Variants in GPM6A observed in about 807,000 individuals in gnomAD.
GPM6A encodes the protein glycoprotein M6A.
In GPM6A, 7 loss-of-function variants were observed where a neutral mutation model predicts 32.1. The observed-to-expected ratio is 0.22, with a 90% CI of 0.12 to 0.41. The LOEUF (loss-of-function observed/expected upper bound fraction) is 0.41, where lower values mean the gene tolerates loss of function less well. GPM6A is among the 10% of genes least tolerant of loss of function. The probability of loss-of-function intolerance (pLI) is 1.00; values close to 1 mark genes in which losing one functional copy is unlikely to be tolerated. For missense variants in GPM6A, 235 were observed against 347.2 expected (o/e 0.68, Z 2.57); for synonymous variants, 130 against 123.4 (o/e 1.05, Z -0.35).
chr4:175,791,120 T>G (rs1733997336), intron 1 of GPM6A, among the ~76,000 whole-genome samples: 1 of 152,198 alleles, frequency 6.6e-6, no homozygotes. Flanking sequence ...AATCATGTTA[T>G]GCATAGGCTC....
chr4:175,981,419 C>T (rs1740812067), intron 1 of GPM6A, among the ~76,000 whole-genome samples: 1 of 152,198 alleles, frequency 6.6e-6, no homozygotes, highest in Non-Finnish European at 1.5e-5. Flanking sequence ...ACTTGCCTCA[C>T]TTCCAACCAC....
At chr4:175,745,137 A>T (rs890197951) in intron 1 of GPM6A, among the ~76,000 whole-genome samples, 4 of 152,162 alleles carry the variant, frequency 2.6e-5, no homozygotes, top group Non-Finnish European at 5.9e-5. Context: ...CAGAAAAAAA[A>T]CATGAAATAC....
At chr4:175,784,561 A>G (rs1733726575) in intron 1 of GPM6A, among the ~76,000 whole-genome samples, 1 of 152,204 alleles carries the variant, frequency 6.6e-6, no homozygotes, top group Admixed American at 6.5e-5. Flanking sequence ...GCTTTTGTAA[A>G]TGTAAAATTA....
chr4:175,992,766 G>GA (rs1741191193), intron 1 of GPM6A, among the ~76,000 whole-genome samples: 1 of 151,858 alleles, frequency 6.6e-6, no homozygotes, highest in South Asian at 2.1e-4. Flanking sequence ...TAAAATACAA[G>GA]AAAAATGAAC....
chr4:175,983,397 A>T lies in GPM6A; in HGVS notation c.-23+18912T>A, dbSNP rs187950616. Among the ~76,000 whole-genome samples the T allele has an allele frequency of 2.5e-3, 384 of 152,336 alleles. 2 individuals carry two copies. Among genetic ancestry groups the T allele is most frequent in the African/African-American group, 8.7e-3 (363 of 41,584 alleles). On this transcript the variant is annotated intron_variant, in intron 1 of 7. Coordinates refer to the GPM6A transcript ENST00000280187. ...TATTTTGAAGGTCCTGTCTCAGCAG[A>T]CAAAATTCCATCTCCCTCTGTGATT...
At chr4:175,903,137 T>C (rs1393211939) in intron 1 of GPM6A, among the ~76,000 whole-genome samples, 1 of 152,056 alleles carries the variant, frequency 6.6e-6, no homozygotes, top group Non-Finnish European at 1.5e-5. Flanking sequence ...GAAATAATGA[T>C]AAGCTGGAAT....
intron 1 of GPM6A, among the ~76,000 whole-genome samples, chr4:175,852,622 T>A (rs996589072): frequency 2.6e-5 from 4 of 152,178 alleles, no homozygotes; most frequent in African/African-American, 9.6e-5. Flanking sequence ...CTCCCAAATT[T>A]GAAAATGTAT....
At chr4:175,673,964 G>A (rs1383000161) in intron 2 of GPM6A, 128 bp from the exon 3 acceptor site, 1 of 620,692 alleles carries the variant, frequency 1.6e-6, no homozygotes, top group Non-Finnish European at 2.6e-6. Context: ...AATGAAGGTT[G>A]GATTTAAAAA....
intron 2 of GPM6A, among the ~76,000 whole-genome samples, chr4:175,691,457 A>G (rs1744294055): frequency 6.6e-6 from 1 of 152,210 alleles, no homozygotes; most frequent in African/African-American, 2.4e-5. Context: ...AAAAATGCAG[A>G]TTATTCACTG....
At chr4:175,684,248 CT>C (rs1743849388) in intron 2 of GPM6A, among the ~76,000 whole-genome samples, 1 of 152,050 alleles carries the variant, frequency 6.6e-6, no homozygotes, top group African/African-American at 2.4e-5. Context: ...TGCCATTTGT[CT>C]TTTGGCTTTG....
intron 1 of GPM6A, among the ~76,000 whole-genome samples, chr4:175,804,816 C>A (rs1041504787): frequency 2.0e-5 from 3 of 151,904 alleles, no homozygotes; most frequent in Admixed American, 6.6e-5. Flanking sequence ...GAGGCAGAGG[C>A]GGGCGGATCA....
At chr4:175,918,841 G>T (rs141416327) in intron 1 of GPM6A, among the ~76,000 whole-genome samples, 1 of 152,154 alleles carries the variant, frequency 6.6e-6, no homozygotes, top group African/African-American at 2.4e-5. Flanking sequence ...TTAATAAGAA[G>T]GAATTATCAT....
At chr4:175,870,987 C>T (rs1463050458) in intron 1 of GPM6A, among the ~76,000 whole-genome samples, 1 of 151,954 alleles carries the variant, frequency 6.6e-6, no homozygotes, top group Non-Finnish European at 1.5e-5. Flanking sequence ...TTATCTTAAT[C>T]ATGTTAATAT....
At chr4:175,763,345 T>A (rs1237211706) in intron 1 of GPM6A, among the ~76,000 whole-genome samples, 1 of 152,154 alleles carries the variant, frequency 6.6e-6, no homozygotes. Flanking sequence ...ATCTTTCCCT[T>A]CTGGATGAAC....
chr4:175,933,328 T>C, intron 1 of GPM6A, among the ~76,000 whole-genome samples: 1 of 152,084 alleles, frequency 6.6e-6, no homozygotes, highest in East Asian at 1.9e-4. Flanking sequence ...TGATTAAAAT[T>C]CAAAAGTTGA....
At chr4:175,985,812 A>T (rs965101592) in intron 1 of GPM6A, among the ~76,000 whole-genome samples, 8 of 151,204 alleles carry the variant, frequency 5.3e-5, no homozygotes, top group African/African-American at 1.9e-4. Context: ...TTTATTTATA[A>T]TTTTTTTTTC....
intron 1 of GPM6A, among the ~76,000 whole-genome samples, chr4:175,763,941 G>T (rs190965398): frequency 1.2e-3 from 177 of 152,230 alleles, no homozygotes; most frequent in African/African-American, 4.0e-3. Context: ...TCAGAAACAT[G>T]ATTTTGGAAA....
intron 1 of GPM6A, among the ~76,000 whole-genome samples, chr4:175,950,011 C>A (rs1181923816): frequency 6.6e-6 from 1 of 152,042 alleles, no homozygotes. Flanking sequence ...CAATGGATCA[C>A]AAACATTTTT....
At chr4:175,874,524 A>G (rs1737019234) in intron 1 of GPM6A, among the ~76,000 whole-genome samples, 1 of 152,168 alleles carries the variant, frequency 6.6e-6, no homozygotes, top group Non-Finnish European at 1.5e-5. Context: ...CTGAGGGAGC[A>G]GAGCCAAAGG....
Sources: allele counts gnomAD v4.1 joint callset (sites outside exome capture counted in the v4.1 genomes callset), GRCh38; gene constraint gnomAD v4.1.1; transcripts MANE v1.5; gene names NCBI Gene and HGNC (gene_info 2026-07-23, HGNC 2026-07-21).